CUL9: variants seen among roughly 807,000 people sequenced by gnomAD.
The protein encoded by CUL9 is cullin-9.
Under a neutral mutation model 272.6 loss-of-function variants are expected in CUL9, and 79 were observed. The observed-to-expected ratio is 0.29, with a 90% CI of 0.24 to 0.35. The LOEUF is 0.35. CUL9 is among the 10% of genes least tolerant of loss of function. The pLI, the probability that CUL9 is intolerant of heterozygous loss-of-function variation, is 1.00. For missense variants in CUL9, 2,532 were observed against 3,255.6 expected (o/e 0.78, Z 5.41); for synonymous variants, 1,186 against 1,286.5 (o/e 0.92, Z 1.67).
chr6:43,189,001 A>G lies in CUL9; in HGVS notation c.2180+286A>G, dbSNP rs141489209. On this transcript the variant is annotated intron_variant, in intron 8 of 40. Coordinates refer to ENST00000252050, the MANE Select transcript of CUL9 (RefSeq NM_015089.4). ...TTATTATCCTACTATATGGGTGAGG[A>G]AACTGAAGCTTAGAGAATTTAAGTA... 4.0e-4 allele frequency: 103 copies of G among 256,772 alleles called. 1 individual carries two copies. In the East Asian group the frequency reaches 7.2e-3, roughly 18 times the overall value. 15.9% of individuals were successfully genotyped at this position (256,772 alleles called of 1,614,324 possible).
Position 43,196,165 on chromosome 6 carries a change from A to G in CUL9, c.2485A>G (p.Arg829Gly), listed in dbSNP as rs755182716. The G allele has an allele frequency of 1.2e-6, 2 of 1,614,156 alleles. No individual in the cohort carries two copies. Among genetic ancestry groups the G allele is most frequent in the South Asian group, 2.2e-5 (2 of 91,078 alleles). ...IHSLFDAQMT[R>G]EIFASIDSAT... ...CTCTTTGTTTGATGCTCAGATGACC[A>G]GAGAGATCTTCGCCAGCATCGACTC... The change falls in exon 10 of 41, where the codon AGA becomes GGA. Residue 829 changes from arginine to glycine, a missense_variant. Coordinates refer to ENST00000252050, the MANE Select transcript of CUL9 (RefSeq NM_015089.4).
chr6:43,184,795 T>C lies in CUL9; in HGVS notation c.485T>C (p.Phe162Ser). 1 of 1,614,042 alleles carries C rather than the reference T, an allele frequency of 6.2e-7. No individual in the cohort carries two copies. Among genetic ancestry groups the C allele is most frequent in the Non-Finnish European group, 8.5e-7 (1 of 1,180,046 alleles). ...AGCATCGGGCCCCTCACTGGTGTCTTCAGGGAGACAGGAGCCCTGGACCTG... is the reference window on the plus strand; with the variant it reads ...AGCATCGGGCCCCTCACTGGTGTCTCCAGGGAGACAGGAGCCCTGGACCTG... ...YASIGPLTGV[F>S]RETGALDLLM... The change falls in exon 2 of 41, where the codon TTC becomes TCC. Residue 162 changes from phenylalanine to serine, a missense_variant. Coordinates refer to ENST00000252050, the MANE Select transcript of CUL9 (RefSeq NM_015089.4). The surrounding 1 kb of genome is among the most constrained non-coding windows in gnomAD (Gnocchi z 4.8).
intron 21 of CUL9, 54 bp from the exon 22 acceptor site, chr6:43,204,694 G>A (rs1313963906): frequency 4.4e-6 from 7 of 1,599,506 alleles, no homozygotes; most frequent in Non-Finnish European, 4.3e-6. Flanking sequence ...CAAGACCGGT[G>A]TACTCACCCA....
In CUL9 at chr6:43,213,344, G is replaced by T; in HGVS notation, c.5358+50G>T. 1 of 1,611,080 alleles carries T rather than the reference G, an allele frequency of 6.2e-7. No individual in the cohort carries two copies. Among genetic ancestry groups the T allele is most frequent in the Non-Finnish European group, 8.5e-7 (1 of 1,177,940 alleles). The stretch of plus-strand genomic sequence containing the variant: ...TGCCTTCTCTGCTACCTTATCTGTC[G>T]CTGTTCTCCTCCTAAACCCTGTTCC... On this transcript the variant is annotated intron_variant, in intron 27 of 40. Coordinates refer to ENST00000252050, the MANE Select transcript of CUL9 (RefSeq NM_015089.4). The surrounding 1 kb of genome is among the most constrained non-coding windows in gnomAD (Gnocchi z 5.7).
intron 26 of CUL9, among the ~76,000 whole-genome samples, chr6:43,212,060 G>T (rs142517859): frequency 1.3e-5 from 2 of 152,290 alleles, no homozygotes; most frequent in East Asian, 3.9e-4. Flanking sequence ...TCATTCACAG[G>T]CTGGATTTTC....
At position 43,200,966 on chromosome 6, in the gene CUL9, A is replaced by AT; in HGVS notation, c.3647+133dup. On this transcript the variant is annotated intron_variant, in intron 16 of 40. Transcript: ENST00000252050. This position sits in a 1 kb window ranked among gnomAD's most constrained non-coding sequence, Gnocchi z 4.0. Reference sequence around the variant, plus strand: ...CAAACCTATTTTGTGCAGTGAACACATAGACACATTGACCTGCCTTTGCTG... The same window carrying AT: ...CAAACCTATTTTGTGCAGTGAACACATTAGACACATTGACCTGCCTTTGCTG... 8.7e-7 allele frequency: 1 copy of AT among 1,152,672 alleles called. No individual in the cohort carries two copies. The highest frequency in any genetic ancestry group is 1.2e-6 in the Non-Finnish European group (1 of 800,152). 71.4% of individuals were successfully genotyped at this position (1,152,672 alleles called of 1,614,324 possible). A position where few individuals can be genotyped will look rare whatever the true frequency, so the allele number is the denominator to read the frequency against.
intron 24 of CUL9, 63 bp downstream of exon 24, chr6:43,205,486 A>G (rs1256185324): frequency 6.4e-7 from 1 of 1,562,460 alleles, no homozygotes; most frequent in African/African-American, 1.4e-5. Flanking sequence ...GAAAGATTTG[A>G]GTCTTATAGG....
intron 9 of CUL9, 152 bp from the exon 10 acceptor site, chr6:43,195,917 A>G (rs1773953887): frequency 1.1e-5 from 6 of 549,976 alleles, no homozygotes; most frequent in African/African-American, 1.9e-5. Context: ...GTAGTATTTG[A>G]TGTCCCATCA....
chr6:43,203,285 AG>A lies in CUL9; in HGVS notation c.3849+83del, dbSNP rs1457429370. 2.4e-5 allele frequency: 39 copies of A among 1,596,842 alleles called. No individual in the cohort carries two copies. The highest frequency in any genetic ancestry group is 3.2e-5 in the Non-Finnish European group (37 of 1,165,018). ...CCTTGATCTGCTTGGGAGATGGCCCAGGACCTGTTGAGTCCCAGAGATGTGG... is the reference window on the plus strand; with the variant it reads ...CCTTGATCTGCTTGGGAGATGGCCCAGACCTGTTGAGTCCCAGAGATGTGG... On this transcript the variant is annotated intron_variant, in intron 18 of 40. Transcript: ENST00000252050. This position sits in a 1 kb window ranked among gnomAD's most constrained non-coding sequence, Gnocchi z 5.0.
chr6:43,191,252 TTGTGTGTGTGTG>T (rs58122260), intron 8 of CUL9, among the ~76,000 whole-genome samples: 13,767 of 126,982 alleles, frequency 0.11, 783 homozygotes, highest in Middle Eastern at 0.18. Context: ...CTAAATTGCA[TTGTGTGTGTGTG>T]TGTGTGTGTG....
chr6:43,224,085 T>C lies in CUL9; in HGVS notation c.7285-10T>C, dbSNP rs764790864. 1 of 1,613,984 alleles carries C rather than the reference T, an allele frequency of 6.2e-7. No individual in the cohort carries two copies. The highest frequency in any genetic ancestry group is 8.5e-7 in the Non-Finnish European group (1 of 1,179,822). Reference sequence around the variant, plus strand: ...TACCTCCTTCTCAAATCCTTCTGTCTGCTCACCAGGATTTCCGGGTTGGTC... The same window carrying C: ...TACCTCCTTCTCAAATCCTTCTGTCCGCTCACCAGGATTTCCGGGTTGGTC... On this transcript the variant is annotated splice_polypyrimidine_tract_variant and intron_variant, in intron 39 of 40. Transcript: ENST00000252050. This position sits in a 1 kb window ranked among gnomAD's most constrained non-coding sequence, Gnocchi z 4.2.
Position 43,218,521 on chromosome 6 carries a change from T to G in CUL9, c.6283-1938T>G, listed in dbSNP as rs993066223. ...GTGAGCCACTGCGCCCGGCCCTACA[T>G]TTTTTAAAAGATCGCTTCTGCCGTT... On this transcript the variant is annotated intron_variant, in intron 31 of 40. Coordinates refer to ENST00000252050, the MANE Select transcript of CUL9 (RefSeq NM_015089.4). This position sits in a 1 kb window ranked among gnomAD's most constrained non-coding sequence, Gnocchi z 4.4. 2.0e-5 allele frequency among the ~76,000 whole-genome samples: 3 copies of G among 152,216 alleles called. No individual in the cohort carries two copies. The highest frequency in any genetic ancestry group is 7.2e-5 in the African/African-American group (3 of 41,444).
chr6:43,194,008 C>T (rs984309366), intron 9 of CUL9, among the ~76,000 whole-genome samples: 2 of 152,128 alleles, frequency 1.3e-5, no homozygotes, highest in Non-Finnish European at 2.9e-5. Context: ...CCAGCATTGC[C>T]ATTGCCCAGA....
intron 17 of CUL9, 139 bp downstream of exon 17, chr6:43,202,960 G>A: frequency 8.4e-7 from 1 of 1,186,042 alleles, no homozygotes; most frequent in Non-Finnish European, 1.2e-6. Context: ...AGTGAGAGTG[G>A]GATTAGGGAT....
At position 43,221,496 on chromosome 6, in the gene CUL9, T is replaced by A; in HGVS notation, c.6752+175T>A. ...TGGATCTTAATGTTCCTTCTCCCAC[T>A]CGTAAGTCCACACTGACTGGGGGAG... On this transcript the variant is annotated intron_variant, in intron 34 of 40. Coordinates refer to ENST00000252050, the MANE Select transcript of CUL9 (RefSeq NM_015089.4). The surrounding 1 kb of genome is among the most constrained non-coding windows in gnomAD (Gnocchi z 4.2). 1 of 902,874 alleles carries A rather than the reference T, an allele frequency of 1.1e-6. No individual in the cohort carries two copies. The highest frequency in any genetic ancestry group is 1.6e-6 in the Non-Finnish European group (1 of 606,074). The allele number at this position is 902,874 out of a possible 1,614,324, so 55.9% of individuals were successfully genotyped here. A position where few individuals can be genotyped will look rare whatever the true frequency, so the allele number is the denominator to read the frequency against.
At chr6:43,196,483 G>T in intron 10 of CUL9, 162 bp from the exon 11 acceptor site, 1 of 812,316 alleles carries the variant, frequency 1.2e-6, no homozygotes, top group Admixed American at 2.0e-5. Flanking sequence ...TCCCTTTATG[G>T]GTTTGGGAGG....
In CUL9 at chr6:43,223,446, A is replaced by C. The variant is rs374848518; in HGVS notation, c.7284+49A>C. On this transcript the variant is annotated intron_variant, in intron 39 of 40. Transcript: ENST00000252050. This position sits in a 1 kb window ranked among gnomAD's most constrained non-coding sequence, Gnocchi z 4.1. ...CTGCTCCTGCATTCTGCGGGAGTTG[A>C]GGTCCTCCTGTCCCAGCACAGCCCC... 6.5e-7 allele frequency: 1 copy of C among 1,542,810 alleles called. No homozygotes were observed. The highest frequency in any genetic ancestry group is 8.8e-7 in the Non-Finnish European group (1 of 1,136,860).
At chr6:43,215,038 C>T (rs1163688113) in intron 29 of CUL9, 41 bp from the exon 30 acceptor site, 3 of 1,551,176 alleles carry the variant, frequency 1.9e-6, no homozygotes, top group South Asian at 2.5e-5. Flanking sequence ...AGCCTGCTCC[C>T]TACATAAAAG....
rs1431453628 is a variant in CUL9, at chr6:43,204,485, C to A, written c.4285C>A (p.Leu1429Met). 6.2e-7 allele frequency: 1 copy of A among 1,614,054 alleles called. No individual in the cohort carries two copies. Among genetic ancestry groups the A allele is most frequent in the Non-Finnish European group, 8.5e-7 (1 of 1,180,046 alleles). Residue 1429 changes from leucine (L) to methionine (M), a missense_variant, in exon 21 of 41, where the codon CTG becomes ATG. Transcript: ENST00000252050. ...TCGAGTTCGTCGCCTTTGCCACTTG[C>A]TGGTGCATGTGGAACCTCCTCCTGG... Reference protein sequence around the residue: ...ASRVRRLCHLLVHVEPPPGPS... With the variant: ...ASRVRRLCHLMVHVEPPPGPS...
Sources: gnomAD v4.1 joint callset for allele counts (sites outside exome capture counted in the v4.1 genomes callset) on GRCh38, gnomAD v4.1.1 for gene constraint, Gnocchi (gnomAD v3.1) non-coding constraint, MANE v1.5 for transcripts, NCBI Gene and HGNC (gene_info 2026-07-23, HGNC 2026-07-21) for gene names.